ERC2: variants seen among roughly 807,000 people sequenced by gnomAD.
ERC2 encodes the protein ERC protein 2.
ERC2 carries 42 observed loss-of-function variants against 114.8 expected under a neutral mutation model. That is an observed-to-expected ratio of 0.37 (90% CI 0.29 to 0.47). The LOEUF (loss-of-function observed/expected upper bound fraction) is 0.47, where lower values mean the gene tolerates loss of function less well. ERC2 is among the 20% of genes least tolerant of loss of function. ERC2 has a pLI of 0.99. For missense variants in ERC2, 939 were observed against 1,150.7 expected, an observed-to-expected ratio of 0.82 and a Z score of 2.66; for synonymous variants, 454 against 425.5, an observed-to-expected ratio of 1.07 and a Z score of -0.82.
At chr3:56,360,639 G>A (rs1216760875) in intron 2 of ERC2, among the ~76,000 whole-genome samples, 1 of 152,182 alleles carries the variant, frequency 6.6e-6, no homozygotes, top group African/African-American at 2.4e-5. Flanking sequence ...CAGCCACAGT[G>A]GCTCACGCCT....
At chr3:55,850,451 T>C (rs1306914932) in intron 14 of ERC2, among the ~76,000 whole-genome samples, 1 of 152,178 alleles carries the variant, frequency 6.6e-6, no homozygotes, top group African/African-American at 2.4e-5. Context: ...TAACTATTTA[T>C]AGAGGAAGAA....
chr3:55,508,928 T>TA lies in ERC2; in HGVS notation c.*2387dup, dbSNP rs1158633622. 1 of 152,590 alleles carries TA rather than the reference T, an allele frequency of 6.6e-6. No individual in the cohort carries two copies. The highest frequency in any genetic ancestry group is 1.5e-5 in the Non-Finnish European group (1 of 68,034). The allele number at this position is 152,590 out of a possible 1,614,324, so 9.5% of individuals were successfully genotyped here. On this transcript the variant is annotated 3_prime_UTR_variant, in exon 18 of 18. Coordinates refer to ENST00000288221, the MANE Select transcript of ERC2 (RefSeq NM_015576.3). ...ATGTTATGATTAGAAGAAAACCTGT[T>TA]AAAGTTTGCGCAAAGGAAATAGCTT...
At chr3:55,643,830 T>A (rs531483374) in intron 17 of ERC2, among the ~76,000 whole-genome samples, 2 of 152,270 alleles carry the variant, frequency 1.3e-5, no homozygotes, top group African/African-American at 4.8e-5. Context: ...ATATTAAAAT[T>A]TAAATACTAT....
At chr3:55,878,433 G>A (rs2062967174) in intron 14 of ERC2, among the ~76,000 whole-genome samples, 1 of 151,944 alleles carries the variant, frequency 6.6e-6, no homozygotes, top group African/African-American at 2.4e-5. Flanking sequence ...CTGTCCTCCT[G>A]CCCCAAAAAA....
chr3:55,696,564 G>A lies in ERC2; in HGVS notation c.2847+2814C>T, dbSNP rs185325962. Among the ~76,000 whole-genome samples, 15 of 152,272 alleles carry A rather than the reference G, an allele frequency of 9.9e-5. No homozygotes were observed. In the East Asian group the frequency reaches 2.7e-3, roughly 27 times the overall value. On this transcript the variant is annotated intron_variant, in intron 16 of 17. Coordinates refer to ENST00000288221, the MANE Select transcript of ERC2 (RefSeq NM_015576.3). ...CCTAAGAAGAAACATATACTCATAT[G>A]TACCCTGTATCTATTAGTGTATGTG...
chr3:55,849,962 G>A (rs2061503831), intron 14 of ERC2, among the ~76,000 whole-genome samples: 1 of 152,176 alleles, frequency 6.6e-6, no homozygotes, highest in Admixed American at 6.5e-5. Flanking sequence ...TTACAGTTCT[G>A]GAGGCCAGAA....
chr3:56,193,807 G>A (rs544289103), intron 3 of ERC2, among the ~76,000 whole-genome samples: 190 of 152,260 alleles, frequency 1.2e-3, no homozygotes, highest in African/African-American at 4.4e-3. Flanking sequence ...GTTTGAATCC[G>A]AAAGCCAAAT....
At chr3:55,762,467 C>A (rs533555574) in intron 14 of ERC2, among the ~76,000 whole-genome samples, 1 of 152,220 alleles carries the variant, frequency 6.6e-6, no homozygotes, top group Non-Finnish European at 1.5e-5. Context: ...ACAACAGACA[C>A]ACAAATGAAT....
At position 56,079,739 on chromosome 3, in the gene ERC2, T is replaced by C. The variant is rs150563463; in HGVS notation, c.1641+1078A>G. Among the ~76,000 whole-genome samples the C allele has an allele frequency of 4.7e-3, 717 of 152,234 alleles. 6 individuals carry two copies. Among genetic ancestry groups the C allele is most frequent in the Non-Finnish European group, 8.1e-3 (552 of 68,014 alleles). ...ACATTATGCAATGGACCCCCAAAAT[T>C]ATGTAATTGGTTGTGACTGGAGAGT... On this transcript the variant is annotated intron_variant, in intron 7 of 17. Coordinates refer to ENST00000288221, the MANE Select transcript of ERC2 (RefSeq NM_015576.3).
chr3:55,769,930 A>G (rs2068074276), intron 14 of ERC2, among the ~76,000 whole-genome samples: 1 of 152,162 alleles, frequency 6.6e-6, no homozygotes. Context: ...CTTCCCTCTA[A>G]TAGCAGCCAA....
chr3:56,453,216 A>C (rs1402415082), intron 1 of ERC2, among the ~76,000 whole-genome samples: 1 of 152,214 alleles, frequency 6.6e-6, no homozygotes, highest in Non-Finnish European at 1.5e-5. Flanking sequence ...TGTTTTGGCC[A>C]ATGAAATGTG....
chr3:56,325,844 A>G (rs945267453), intron 2 of ERC2, among the ~76,000 whole-genome samples: 1 of 152,332 alleles, frequency 6.6e-6, no homozygotes, highest in South Asian at 2.1e-4. Context: ...TCACTTGCTC[A>G]AGGTCACAGC....
chr3:55,834,164 G>A (rs1258486910), intron 14 of ERC2, among the ~76,000 whole-genome samples: 2 of 152,060 alleles, frequency 1.3e-5, no homozygotes, highest in Non-Finnish European at 2.9e-5. Context: ...AATAATGGGA[G>A]ACTTTAACAC....
intron 17 of ERC2, among the ~76,000 whole-genome samples, chr3:55,518,735 G>GATGT (rs2107184300): frequency 6.6e-6 from 1 of 152,332 alleles, no homozygotes; most frequent in African/African-American, 2.4e-5. Flanking sequence ...AAAATACAAT[G>GATGT]ATGTATGCAG....
At chr3:55,556,090 GGAAACA>G (rs2055586801) in intron 17 of ERC2, among the ~76,000 whole-genome samples, 1 of 152,038 alleles carries the variant, frequency 6.6e-6, no homozygotes, top group African/African-American at 2.4e-5. Context: ...GCCCTCCCTT[GGAAACA>G]AACATTTCAA....
At chr3:56,287,780 A>G (rs1351085980) in intron 3 of ERC2, among the ~76,000 whole-genome samples, 1 of 152,138 alleles carries the variant, frequency 6.6e-6, no homozygotes, top group Non-Finnish European at 1.5e-5. Context: ...ATCCATCACT[A>G]TGTGCTCTGA....
chr3:55,860,995 C>T (rs1329875067), intron 14 of ERC2, among the ~76,000 whole-genome samples: 1 of 152,136 alleles, frequency 6.6e-6, no homozygotes, highest in Non-Finnish European at 1.5e-5. Flanking sequence ...GAAGCAAAAA[C>T]CAAAAAACTA....
intron 1 of ERC2, among the ~76,000 whole-genome samples, chr3:56,453,121 C>G (rs1051192929): frequency 7.2e-5 from 11 of 152,166 alleles, no homozygotes; most frequent in Admixed American, 1.3e-4. Flanking sequence ...TTCACCATCC[C>G]CCTAGCCTGC....
intron 17 of ERC2, among the ~76,000 whole-genome samples, chr3:55,661,123 T>C (rs1426852422): frequency 6.6e-6 from 1 of 152,190 alleles, no homozygotes; most frequent in Non-Finnish European, 1.5e-5. Flanking sequence ...CCTAACACAT[T>C]ACCACACACT....
Sources: allele counts gnomAD v4.1 joint callset (sites outside exome capture counted in the v4.1 genomes callset), GRCh38; gene constraint gnomAD v4.1.1; transcripts MANE v1.5; gene names NCBI Gene and HGNC (gene_info 2026-07-23, HGNC 2026-07-21).